The following MVD variants were observed in gnomAD, a reference collection of about 807,000 sequenced individuals.
MVD encodes the protein diphosphomevalonate decarboxylase.
A neutral mutation model predicts 42.4 loss-of-function variants in MVD; 52 were observed. That is an observed-to-expected ratio of 1.23 (90% CI 0.98 to 1.55). The LOEUF is 1.55. Ranked by LOEUF, MVD falls within the 40% of genes most tolerant of loss-of-function variation. The pLI, the probability that MVD is intolerant of heterozygous loss-of-function variation, is 0.00. For synonymous variants in MVD, 287 were observed against 243.2 expected (o/e 1.18, Z -1.68); for missense variants, 663 against 572.1 (o/e 1.16, Z -1.62).
Position 88,656,405 on chromosome 16 carries a change from G to T in MVD, c.404-101C>A, listed in dbSNP as rs557944807. On this transcript the variant is annotated intron_variant, in intron 4 of 9. Transcript: ENST00000301012. ...ACGTCCCACACCCCACGGCAAATGG[G>T]GATTTCCAGATGACAGGGCTTCTGG... 4.1e-4 allele frequency: 531 copies of T among 1,302,546 alleles called. 1 individual carries two copies. The highest frequency in any genetic ancestry group is 1.3e-3 in the African/African-American group (86 of 68,542). The allele number at this position is 1,302,546 out of a possible 1,614,324, so 80.7% of individuals were successfully genotyped here.
intron 8 of MVD, among the ~76,000 whole-genome samples, chr16:88,654,255 G>A (rs1388049023): frequency 6.6e-6 from 1 of 152,210 alleles, no homozygotes; most frequent in Non-Finnish European, 1.5e-5. Flanking sequence ...AACTGCCGGG[G>A]CGGGGTCAAC....
chr16:88,654,971 G>A (rs888852475), intron 7 of MVD, 164 bp from the exon 8 acceptor site: 3 of 844,230 alleles, frequency 3.6e-6, no homozygotes, highest in Admixed American at 2.9e-5. Context: ...TACTTGACAC[G>A]TCTGCCTGTG....
At position 88,656,242 on chromosome 16, in the gene MVD, A is replaced by C. The variant is rs765285056; in HGVS notation, c.466T>G (p.Ser156Ala). ...TACAGGCTCCGGCAGGCGCTGCCTG[A>C]GCCCCGGCGAGCCACTTCTGAGAGG... ...SDLSEVARRG[S>A]GSACRSLYGG... is the part of the protein sequence containing the mutation. Residue 156 changes from serine (S) to alanine (A), a missense_variant, in exon 5 of 10, where the codon TCA becomes GCA. Physicochemically the swap from Ser to Ala is moderately conservative, Grantham distance 99. Transcript: ENST00000301012. The C allele has an allele frequency of 3.1e-6, 5 of 1,599,286 alleles. No homozygotes were observed. Among genetic ancestry groups the C allele is most frequent in the South Asian group, 1.1e-5 (1 of 91,084 alleles).
chr16:88,657,995 T>A lies in MVD; in HGVS notation c.176A>T (p.Asp59Val). ...CAGCCAAATCCGGTCCTCGGTGAAG[T>A]CCTTGCTGATGACGGCTGTTGTGGT... ...KTTTTAVISK[D>V]FTEDRIWLNG... is the part of the protein sequence containing the mutation. Residue 59 changes from aspartate (D) to valine (V), a missense_variant, in exon 3 of 10, where the codon GAC (aspartate) becomes GTC (valine). By Grantham distance (152) the Asp-to-Val change is radical. Transcript: ENST00000301012. The A allele has an allele frequency of 5.0e-6, 8 of 1,613,966 alleles. No individual in the cohort carries two copies. Among genetic ancestry groups the A allele is most frequent in the Non-Finnish European group, 6.8e-6 (8 of 1,180,008 alleles).
intron 2 of MVD, among the ~76,000 whole-genome samples, 156 bp from the exon 3 acceptor site, chr16:88,658,185 G>GT (rs1908063779): frequency 6.6e-6 from 1 of 151,050 alleles, no homozygotes; most frequent in Non-Finnish European, 1.5e-5. Context: ...GCTGGGCAGT[G>GT]GGGAAGCCCG....
intron 5 of MVD, 179 bp downstream of exon 5, chr16:88,655,926 G>GCCAC: frequency 9.1e-7 from 1 of 1,104,854 alleles, no homozygotes; most frequent in Non-Finnish European, 1.3e-6. Context: ...GCGGGTGGTG[G>GCCAC]CGCCCGCCGC....
chr16:88,655,348 G>T lies in MVD; in HGVS notation c.748C>A (p.Pro250Thr). 1.2e-6 allele frequency: 2 copies of T among 1,602,804 alleles called. No individual in the cohort carries two copies. Among genetic ancestry groups the T allele is most frequent in the East Asian group, 2.3e-5 (1 of 44,300 alleles). ...MARCIRERDF[P>T]SFAQLTMKDS... Reference sequence around the variant, plus strand: ...TTCATGGTCAGCTGGGCGAAGCTGGGGAAGTCTCGCTCCCGGATGCAGCGG... The same window carrying T: ...TTCATGGTCAGCTGGGCGAAGCTGGTGAAGTCTCGCTCCCGGATGCAGCGG... Residue 250 changes from proline (P) to threonine (T), a missense_variant, in exon 7 of 10, where the codon CCC becomes ACC. By Grantham distance (38) the Pro-to-Thr change is conservative (BLOSUM62 -1). Transcript: ENST00000301012.
intron 7 of MVD, 65 bp downstream of exon 7, chr16:88,655,134 G>A (rs1042826874): frequency 3.7e-5 from 57 of 1,523,498 alleles, no homozygotes; most frequent in Middle Eastern, 2.0e-4. Context: ...CCGTCTCCAC[G>A]GCAGCACAAG....
chr16:88,658,390 C>T (rs532236442), intron 2 of MVD, among the ~76,000 whole-genome samples: 2 of 152,236 alleles, frequency 1.3e-5, no homozygotes, highest in South Asian at 4.1e-4. Flanking sequence ...TGGGAGTCGT[C>T]GCTAGGCCAT....
Position 88,654,775 on chromosome 16 carries a change from G to C in MVD, c.930C>G (p.Ala310=). 6.3e-7 allele frequency: 1 copy of C among 1,595,110 alleles called. No individual in the cohort carries two copies. The highest frequency in any genetic ancestry group is 8.5e-7 in the Non-Finnish European group (1 of 1,173,098). The change falls in exon 8 of 10, where the codon GCC becomes GCG. Residue 310 remains alanine, a synonymous_variant. Transcript: ENST00000301012. ...VAYTFDAGPN[A]VIFTLDDTVA... ...CAGTGTCGTCCAGGGTGAAGATCAC[G>C]GCATTGGGGCCCGCGTCAAAGGTGT... is the stretch of plus-strand genomic sequence containing the variant.
intron 5 of MVD, 122 bp from the exon 6 acceptor site, chr16:88,655,852 C>T: frequency 8.0e-7 from 1 of 1,256,972 alleles, no homozygotes; most frequent in Non-Finnish European, 1.1e-6. Flanking sequence ...TCAGTGCCAC[C>T]TGCCTGACCA....
At chr16:88,659,861 G>T (rs1174735819) in intron 1 of MVD, among the ~76,000 whole-genome samples, 1 of 151,924 alleles carries the variant, frequency 6.6e-6, no homozygotes, top group Non-Finnish European at 1.5e-5. Flanking sequence ...CAGCTACTCA[G>T]GAGGCTGAGG....
chr16:88,655,386 A>G lies in MVD; in HGVS notation c.710T>C (p.Met237Thr), dbSNP rs757996532. The G allele has an allele frequency of 1.1e-5, 17 of 1,592,428 alleles. No individual in the cohort carries two copies. The highest frequency in any genetic ancestry group is 1.4e-5 in the Non-Finnish European group (16 of 1,171,492). The change falls in exon 7 of 10, where the codon ATG (methionine) becomes ACG (threonine). Residue 237 changes from methionine (M) to threonine (T), a missense_variant. Physicochemically the swap from Met to Thr is moderately conservative, Grantham distance 81. Transcript: ENST00000301012. The stretch of plus-strand genomic sequence containing the variant: ...CCGGATGCAGCGGGCCATCTCCGCC[A>G]TGCGCGCGGGCACCACGGACTCGGC... ...FRAESVVPAR[M>T]AEMARCIRER... is the part of the protein sequence containing the mutation.
intron 1 of MVD, among the ~76,000 whole-genome samples, chr16:88,661,728 G>C (rs776254723): frequency 6.6e-6 from 1 of 151,722 alleles, no homozygotes; most frequent in Admixed American, 6.6e-5. Flanking sequence ...ACCAGGACGC[G>C]GCTAAAATGA....
At chr16:88,660,383 A>C (rs1597383072) in intron 1 of MVD, 1 of 152,320 alleles carries the variant, frequency 6.6e-6, no homozygotes, top group Non-Finnish European at 1.5e-5. Flanking sequence ...AGTGGCTCAC[A>C]CCTACGATCC....
chr16:88,655,812 C>T (rs1440827563), intron 5 of MVD, 82 bp from the exon 6 acceptor site: 17 of 1,481,624 alleles, frequency 1.1e-5, no homozygotes, highest in Non-Finnish European at 1.5e-5. Flanking sequence ...TCGGCCCTCC[C>T]TCAGCCAATG....
intron 1 of MVD, among the ~76,000 whole-genome samples, chr16:88,660,060 C>T (rs557868468): frequency 2.2e-4 from 33 of 152,208 alleles, no homozygotes; most frequent in African/African-American, 4.1e-4. Context: ...CCTTTCCCTC[C>T]CTGAAGGAGT....
chr16:88,656,356 C>G (rs754411726), intron 4 of MVD, 52 bp from the exon 5 acceptor site: 1 of 1,574,138 alleles, frequency 6.4e-7, no homozygotes, highest in Non-Finnish European at 8.6e-7. Flanking sequence ...GCGCTGTGCT[C>G]CCTGACAGCT....
chr16:88,655,103 C>T, intron 7 of MVD, 96 bp downstream of exon 7: 2 of 1,371,378 alleles, frequency 1.5e-6, no homozygotes, highest in East Asian at 2.5e-5. Flanking sequence ...ACACAGATTG[C>T]CCTGCACGCG....
Sources: gnomAD v4.1 joint callset for allele counts (sites outside exome capture counted in the v4.1 genomes callset) on GRCh38, gnomAD v4.1.1 for gene constraint, MANE v1.5 for transcripts, NCBI Gene and HGNC (gene_info 2026-07-23, HGNC 2026-07-21) for gene names.